Variants in ZBTB20 observed in about 807,000 individuals in gnomAD.
ZBTB20 encodes the protein zinc finger and BTB domain containing 20, also known as zinc finger and BTB domain-containing protein 20.
A neutral mutation model predicts 56.9 loss-of-function variants in ZBTB20; 9 were observed. The observed-to-expected ratio is 0.16, with a 90% CI of 0.10 to 0.28. ZBTB20 has a LOEUF of 0.28. Ranked by LOEUF, ZBTB20 falls within the 10% of genes least tolerant of loss-of-function variation. ZBTB20 has a pLI of 1.00. For synonymous variants in ZBTB20, 417 were observed against 420.7 expected (o/e 0.99, Z 0.11); for missense variants, 655 against 1,003.0 (o/e 0.65, Z 4.69).
chr3:114,633,577 G>T (rs1181799307), intron 6 of ZBTB20, among the ~76,000 whole-genome samples: 4 of 152,176 alleles, frequency 2.6e-5, no homozygotes, highest in Non-Finnish European at 5.9e-5. Context: ...GTCTTGAAAT[G>T]AGAGTTCCTG....
At position 114,330,331 on chromosome 3, in the gene ZBTB20, A is replaced by C. The variant is rs1344129656; in HGVS notation, c.*8674T>G. The C allele has an allele frequency of 2.0e-5, 3 of 152,194 alleles. No homozygotes were observed. The allele number at this position is 152,194 out of a possible 1,614,324, so 9.4% of individuals were successfully genotyped here. A position where few individuals can be genotyped will look rare whatever the true frequency, so the allele number is the denominator to read the frequency against. On this transcript the variant is annotated 3_prime_UTR_variant, in exon 12 of 12. Coordinates refer to ENST00000675478, the MANE Select transcript of ZBTB20 (RefSeq NM_001348800.3). Reference sequence around the variant, plus strand: ...GATATAAGCAAAGACATAATATTTCAATCAACTCATGATCATAGGCAGATT... The same window carrying C: ...GATATAAGCAAAGACATAATATTTCCATCAACTCATGATCATAGGCAGATT...
chr3:114,543,219 T>G (rs150008263), intron 6 of ZBTB20, among the ~76,000 whole-genome samples: 7 of 152,322 alleles, frequency 4.6e-5, no homozygotes, highest in Non-Finnish European at 8.8e-5. Context: ...GTGGTTGTTA[T>G]AGGGTATTTT....
chr3:114,395,670 T>A (rs530710086), intron 7 of ZBTB20, among the ~76,000 whole-genome samples: 2 of 152,144 alleles, frequency 1.3e-5, no homozygotes, highest in African/African-American at 4.8e-5. Flanking sequence ...AGGAACACCA[T>A]CGTCAGCTTA....
chr3:114,834,877 T>C (rs899811933), intron 4 of ZBTB20, among the ~76,000 whole-genome samples: 1 of 152,198 alleles, frequency 6.6e-6, no homozygotes, highest in Admixed American at 6.5e-5. Flanking sequence ...GTTATATTTG[T>C]ATTAAAATAT....
intron 7 of ZBTB20, among the ~76,000 whole-genome samples, chr3:114,444,607 C>CT (rs768948333): frequency 1.3e-5 from 2 of 152,058 alleles, no homozygotes; most frequent in Non-Finnish European, 2.9e-5. Context: ...CCCAGTTTTG[C>CT]CTTGCTCATC....
chr3:114,699,485 T>C (rs1185202233), intron 5 of ZBTB20, among the ~76,000 whole-genome samples: 1 of 151,972 alleles, frequency 6.6e-6, no homozygotes, highest in Non-Finnish European at 1.5e-5. Context: ...AAGTCAGAAA[T>C]GCCATCTTTC....
intron 2 of ZBTB20, among the ~76,000 whole-genome samples, chr3:115,016,844 A>G (rs1350279585): frequency 1.3e-5 from 2 of 151,536 alleles, no homozygotes; most frequent in Non-Finnish European, 3.0e-5. Flanking sequence ...CCTTCACGTT[A>G]AAAACTCTCA....
At chr3:114,538,699 C>T (rs963187367) in intron 6 of ZBTB20, among the ~76,000 whole-genome samples, 1 of 152,004 alleles carries the variant, frequency 6.6e-6, no homozygotes, top group Non-Finnish European at 1.5e-5. Flanking sequence ...GAGACAGGTC[C>T]TGTTTGTGTC....
chr3:114,607,293 C>G (rs570357164), intron 6 of ZBTB20, among the ~76,000 whole-genome samples: 2 of 131,010 alleles, frequency 1.5e-5, no homozygotes, highest in South Asian at 2.6e-4. Flanking sequence ...AAGCATAAAA[C>G]TGTTCATTCA....
chr3:114,694,390 C>T (rs1486571896), intron 5 of ZBTB20, among the ~76,000 whole-genome samples: 2 of 152,064 alleles, frequency 1.3e-5, no homozygotes, highest in Non-Finnish European at 2.9e-5. Context: ...TCAGAAGCTA[C>T]AGGTGGTTTT....
chr3:114,465,253 T>TAAA (rs2092495144), intron 7 of ZBTB20, among the ~76,000 whole-genome samples: 1 of 152,198 alleles, frequency 6.6e-6, no homozygotes, highest in Admixed American at 6.5e-5. Context: ...AATTCGTACA[T>TAAA]ATTTTAACAT....
At chr3:115,072,155 T>C (rs572801677) in intron 1 of ZBTB20, among the ~76,000 whole-genome samples, 1 of 152,270 alleles carries the variant, frequency 6.6e-6, no homozygotes, top group South Asian at 2.1e-4. Flanking sequence ...TTTGAATAAT[T>C]TCTAATTGGT....
chr3:114,684,110 CAT>C (rs1207735576), intron 6 of ZBTB20, among the ~76,000 whole-genome samples: 1 of 152,152 alleles, frequency 6.6e-6, no homozygotes, highest in Non-Finnish European at 1.5e-5. Context: ...AGAAAAATGA[CAT>C]GTTGTTAATA....
chr3:114,684,517 A>G (rs2062199843), intron 6 of ZBTB20: 1 of 152,196 alleles, frequency 6.6e-6, no homozygotes, highest in Non-Finnish European at 1.5e-5. Flanking sequence ...ACAGAAAGTT[A>G]TTAAGACCTT....
At chr3:114,342,817 T>G (rs1191767040) in intron 11 of ZBTB20, among the ~76,000 whole-genome samples, 1 of 151,980 alleles carries the variant, frequency 6.6e-6, no homozygotes, top group Non-Finnish European at 1.5e-5. Flanking sequence ...GTAAAACAAG[T>G]GATTATATTG....
intron 6 of ZBTB20, among the ~76,000 whole-genome samples, chr3:114,613,057 A>AAGCT (rs1285814816): frequency 6.6e-6 from 1 of 152,356 alleles, no homozygotes; most frequent in Non-Finnish European, 1.5e-5. Context: ...TGTAAGATTA[A>AAGCT]AGCTCTAATT....
At chr3:114,570,137 A>G (rs1404580342) in intron 6 of ZBTB20, among the ~76,000 whole-genome samples, 1 of 142,914 alleles carries the variant, frequency 7.0e-6, no homozygotes, top group Admixed American at 6.9e-5. Context: ...AAGATTATAA[A>G]GGTAAAACAT....
intron 5 of ZBTB20, among the ~76,000 whole-genome samples, chr3:114,753,768 T>G (rs1333606246): frequency 6.6e-6 from 1 of 152,030 alleles, no homozygotes; most frequent in Non-Finnish European, 1.5e-5. Flanking sequence ...TTTTGTTCCT[T>G]TCCTACCCCA....
chr3:114,570,676 C>T (rs1383343898), intron 6 of ZBTB20, among the ~76,000 whole-genome samples: 1 of 152,078 alleles, frequency 6.6e-6, no homozygotes, highest in East Asian at 1.9e-4. Flanking sequence ...TGCTTGAATG[C>T]TTTGTTAGCA....
Sources: allele counts gnomAD v4.1 joint callset (sites outside exome capture counted in the v4.1 genomes callset), GRCh38; gene constraint gnomAD v4.1.1; transcripts MANE v1.5; gene names NCBI Gene and HGNC (gene_info 2026-07-23, HGNC 2026-07-21).